Variants in SLC10A7 observed in about 807,000 individuals in gnomAD.
The protein encoded by SLC10A7 is solute carrier family 10 member 7, also known as sodium/bile acid cotransporter 7.
In SLC10A7, 29 loss-of-function variants were observed where a neutral mutation model predicts 43.2. The ratio of observed to expected loss-of-function variants is 0.67; its 90% CI spans 0.50 to 0.92. The LOEUF (loss-of-function observed/expected upper bound fraction) is 0.92. Ranked by LOEUF, SLC10A7 falls within the 40% of genes least tolerant of loss-of-function variation. SLC10A7 has a pLI of 0.00. For missense variants in SLC10A7, 295 were observed against 403.2 expected (o/e 0.73, Z 2.30); for synonymous variants, 152 against 144.8 (o/e 1.05, Z -0.35).
chr4:146,350,948 A>C (rs997770171), intron 5 of SLC10A7, among the ~76,000 whole-genome samples: 5 of 147,908 alleles, frequency 3.4e-5, no homozygotes, highest in Non-Finnish European at 5.9e-5. Context: ...AGAACAGAAA[A>C]ACTGGAAACT....
chr4:146,296,117 C>T (rs1730768394), intron 7 of SLC10A7, among the ~76,000 whole-genome samples: 1 of 152,106 alleles, frequency 6.6e-6, no homozygotes, highest in Admixed American at 6.6e-5. Context: ...TCCACTGATG[C>T]TCAAACCCCT....
At chr4:146,356,319 T>G (rs1735628793) in intron 5 of SLC10A7, among the ~76,000 whole-genome samples, 1 of 152,128 alleles carries the variant, frequency 6.6e-6, no homozygotes, top group Non-Finnish European at 1.5e-5. Flanking sequence ...CATAATCACT[T>G]AATCCTTAAT....
chr4:146,314,897 CATCCAAT>C (rs1417761386), intron 6 of SLC10A7, among the ~76,000 whole-genome samples: 1 of 152,070 alleles, frequency 6.6e-6, no homozygotes, highest in Admixed American at 6.6e-5. Context: ...ATGACAACAC[CATCCAAT>C]ATATGGTTTC....
At chr4:146,472,127 G>A (rs576108200) in intron 4 of SLC10A7, among the ~76,000 whole-genome samples, 2 of 152,056 alleles carry the variant, frequency 1.3e-5, no homozygotes, top group African/African-American at 2.4e-5. Context: ...ATAACTGAGG[G>A]ACAAACATTA....
chr4:146,421,206 C>A (rs1191454569), intron 5 of SLC10A7, among the ~76,000 whole-genome samples: 1 of 152,078 alleles, frequency 6.6e-6, no homozygotes, highest in African/African-American at 2.4e-5. Flanking sequence ...ATCCCTAACT[C>A]AAAACTTGGT....
At chr4:146,321,771 C>T (rs1388549900) in intron 6 of SLC10A7, among the ~76,000 whole-genome samples, 3 of 152,022 alleles carry the variant, frequency 2.0e-5, no homozygotes, top group Admixed American at 6.6e-5. Context: ...GTTCTTGCTC[C>T]GTTACTTGCT....
In SLC10A7 at chr4:146,288,415, T is replaced by A. The variant is rs577346710; in HGVS notation, c.773+4514A>T. ...CAGATAGTGTTATTGCTCTGCTTTT[T>A]CCAAAAACGGAACTGGAAACACAAG... On this transcript the variant is annotated intron_variant, in intron 9 of 11. Coordinates refer to ENST00000335472, the MANE Select transcript of SLC10A7 (RefSeq NM_001029998.6). Among the ~76,000 whole-genome samples the A allele has an allele frequency of 4.0e-4, 61 of 152,324 alleles. No individual in the cohort carries two copies. The South Asian group carries it at 0.012, about 31-fold the overall frequency.
At chr4:146,462,284 T>C (rs1237241797) in intron 4 of SLC10A7, among the ~76,000 whole-genome samples, 1 of 152,112 alleles carries the variant, frequency 6.6e-6, no homozygotes, top group African/African-American at 2.4e-5. Flanking sequence ...ATAGCTGATG[T>C]TTAAAACAAG....
chr4:146,262,977 T>A (rs548318811), intron 10 of SLC10A7, among the ~76,000 whole-genome samples: 1 of 152,348 alleles, frequency 6.6e-6, no homozygotes, highest in Non-Finnish European at 1.5e-5. Flanking sequence ...TCACTCTAAA[T>A]CTCACTACTT....
chr4:146,358,612 T>G (rs768737010), intron 5 of SLC10A7, among the ~76,000 whole-genome samples: 8 of 152,174 alleles, frequency 5.3e-5, no homozygotes, highest in Non-Finnish European at 1.2e-4. Context: ...CATGAAATCA[T>G]GCATAAGAAC....
intron 4 of SLC10A7, among the ~76,000 whole-genome samples, chr4:146,456,494 T>C (rs1363278168): frequency 6.6e-6 from 1 of 151,936 alleles, no homozygotes; most frequent in Non-Finnish European, 1.5e-5. Context: ...TTTGACCAAC[T>C]GGCTATAAAT....
intron 5 of SLC10A7, among the ~76,000 whole-genome samples, chr4:146,384,603 G>A (rs946380820): frequency 1.3e-5 from 2 of 151,996 alleles, no homozygotes; most frequent in Admixed American, 1.3e-4. Context: ...AGCACACTAT[G>A]TATATATAGG....
intron 5 of SLC10A7, among the ~76,000 whole-genome samples, chr4:146,423,090 G>C (rs1386269494): frequency 6.6e-6 from 1 of 152,002 alleles, no homozygotes; most frequent in Non-Finnish European, 1.5e-5. Flanking sequence ...TGTATAAAAA[G>C]TTCTTTCACA....
chr4:146,322,032 T>G (rs938102577), intron 6 of SLC10A7, among the ~76,000 whole-genome samples: 2 of 152,128 alleles, frequency 1.3e-5, no homozygotes, highest in Non-Finnish European at 2.9e-5. Context: ...ACTTTTACAT[T>G]GAGGGTCTTG....
chr4:146,297,504 T>G (rs1391175354), intron 7 of SLC10A7, among the ~76,000 whole-genome samples: 1 of 152,160 alleles, frequency 6.6e-6, no homozygotes, highest in Non-Finnish European at 1.5e-5. Flanking sequence ...TTTTAAAGTA[T>G]TTCCTTGCTT....
chr4:146,502,218 A>G (rs1413456114), intron 4 of SLC10A7, among the ~76,000 whole-genome samples: 1 of 152,268 alleles, frequency 6.6e-6, no homozygotes, highest in East Asian at 1.9e-4. Context: ...ACACCGTATT[A>G]GAATGGCAAA....
At chr4:146,361,199 T>C (rs1736027306) in intron 5 of SLC10A7, among the ~76,000 whole-genome samples, 1 of 152,224 alleles carries the variant, frequency 6.6e-6, no homozygotes, top group Admixed American at 6.5e-5. Flanking sequence ...ATCTTGCTTC[T>C]TATTGTTCTG....
intron 5 of SLC10A7, among the ~76,000 whole-genome samples, chr4:146,408,921 A>G (rs1272418670): frequency 1.3e-5 from 2 of 152,118 alleles, no homozygotes; most frequent in Non-Finnish European, 2.9e-5. Context: ...TAGAAATTTC[A>G]ACATATTATG....
rs566525913 is a variant in SLC10A7 at position 146,507,086 on chromosome 4, T to A, written c.320+2827A>T. Among the ~76,000 whole-genome samples, 35 of 152,344 alleles carry A rather than the reference T, an allele frequency of 2.3e-4. 1 individual carries two copies. Among genetic ancestry groups the A allele is most frequent in the Admixed American group, 7.2e-4 (11 of 15,304 alleles). On this transcript the variant is annotated intron_variant, in intron 3 of 11. Transcript: ENST00000335472. ...ATCTACTCTCTTGGCAATTTTCTAG[T>A]ATACGTTATTAACTATAGTTACCAT...
Sources: allele counts gnomAD v4.1 joint callset (sites outside exome capture counted in the v4.1 genomes callset), GRCh38; gene constraint gnomAD v4.1.1; transcripts MANE v1.5; gene names NCBI Gene and HGNC (gene_info 2026-07-23, HGNC 2026-07-21).